The following PSMC2 variants were observed in gnomAD, a reference collection of about 807,000 sequenced individuals.
PSMC2 encodes proteasome 26S subunit, ATPase 2.
A neutral mutation model predicts 53.3 loss-of-function variants in PSMC2; 7 were observed. The ratio of observed to expected loss-of-function variants is 0.13; its 90% confidence interval spans 0.07 to 0.25. The LOEUF is 0.25. Among genes scored for constraint, PSMC2 ranks in the 10% least tolerant of loss-of-function variants. PSMC2 has a pLI of 1.00. For synonymous variants in PSMC2, 169 were observed against 183.9 expected, an observed-to-expected ratio of 0.92 and a Z score of 0.66; for missense variants, 241 against 544.0, an observed-to-expected ratio of 0.44 and a Z score of 5.54.
At chr7:103,353,855 T>A in intron 1 of PSMC2, 66 bp from the exon 2 acceptor site, 2 of 1,383,296 alleles carry the variant, frequency 1.4e-6, no homozygotes, top group Non-Finnish European at 2.0e-6. Flanking sequence ...AAAGCTCTAG[T>A]TTCTTTTTTA....
At chr7:103,364,958 C>CATATATATATAT (rs59914167) in intron 8 of PSMC2, among the ~76,000 whole-genome samples, 5,488 of 125,200 alleles carry the variant, frequency 0.044, 243 homozygotes, top group East Asian at 0.21. Context: ...TGTAGACATA[C>CATATATATATAT]ATATATATAT....
intron 1 of PSMC2, among the ~76,000 whole-genome samples, chr7:103,348,304 A>G (rs1449538564): frequency 6.6e-6 from 1 of 152,198 alleles, no homozygotes; most frequent in Non-Finnish European, 1.5e-5. Context: ...TAATGTTGCT[A>G]TTTTGCATAT....
chr7:103,366,930 G>A (rs1442528636), intron 9 of PSMC2, among the ~76,000 whole-genome samples: 2 of 152,082 alleles, frequency 1.3e-5, no homozygotes, highest in Non-Finnish European at 2.9e-5. Context: ...TCAGCCTCCT[G>A]AGTAGCTGCA....
In PSMC2 at chr7:103,367,163, A is replaced by G. The variant is rs941366474; in HGVS notation, c.845-250A>G. On this transcript the variant is annotated intron_variant, in intron 9 of 11. Transcript: ENST00000292644. The surrounding 1 kb of genome is among the most constrained non-coding windows in gnomAD (Gnocchi z 6.1). ...AGTAATAAATGTGGTAGACTTTGAA[A>G]ACACTAAACTGCCCCATAGGCAGTT... 5.9e-5 allele frequency among the ~76,000 whole-genome samples: 9 copies of G among 152,180 alleles called. No individual in the cohort carries two copies. The highest frequency in any genetic ancestry group is 2.2e-4 in the African/African-American group (9 of 41,438).
intron 9 of PSMC2, among the ~76,000 whole-genome samples, chr7:103,366,895 C>T (rs1358475211): frequency 6.6e-6 from 1 of 152,146 alleles, no homozygotes; most frequent in African/African-American, 2.4e-5. Flanking sequence ...ACCTCTGCCT[C>T]CTGGGTTCAA....
intron 8 of PSMC2, 132 bp downstream of exon 8, chr7:103,364,439 C>CAACAA: frequency 9.1e-6 from 9 of 994,450 alleles, no homozygotes; most frequent in Non-Finnish European, 1.3e-5. Flanking sequence ...GACAGAGTCT[C>CAACAA]ATTGTGTTGC....
At chr7:103,359,438 T>G (rs957157846) in intron 4 of PSMC2, among the ~76,000 whole-genome samples, 1 of 152,286 alleles carries the variant, frequency 6.6e-6, no homozygotes, top group East Asian at 1.9e-4. Context: ...AATTCCAGAA[T>G]AGAATATTTT....
Position 103,367,603 on chromosome 7 carries a change from G to A in PSMC2, c.1035G>A (p.Leu345=). The change falls in exon 10 of 12, where the codon TTG becomes TTA. Residue 345 remains leucine (L), a synonymous_variant. Transcript: ENST00000292644. This position sits in a 1 kb window ranked among gnomAD's most constrained non-coding sequence, Gnocchi z 6.1. ...GRLDRKIEFS[L]PDLEGRTHIF... is the part of the protein sequence containing the mutation. ...TGGATAGAAAAATTGAATTTAGCTT[G>A]CCCGATCTAGAGGTAAGAAAACCAT... The A allele has an allele frequency of 6.2e-7, 1 of 1,614,076 alleles. No homozygotes were observed. Among genetic ancestry groups the A allele is most frequent in the Non-Finnish European group, 8.5e-7 (1 of 1,180,006 alleles).
intron 1 of PSMC2, among the ~76,000 whole-genome samples, chr7:103,351,179 A>G (rs1189628100): frequency 6.6e-6 from 1 of 152,218 alleles, no homozygotes; most frequent in Non-Finnish European, 1.5e-5. Flanking sequence ...TGTGTTGGAT[A>G]GTCTTCATGC....
At chr7:103,352,366 C>T (rs1819774672) in intron 1 of PSMC2, among the ~76,000 whole-genome samples, 1 of 149,898 alleles carries the variant, frequency 6.7e-6, no homozygotes, top group Admixed American at 6.7e-5. Context: ...AACATTTGAT[C>T]CTAGGAGAAA....
chr7:103,362,039 C>T lies in PSMC2; in HGVS notation c.373C>T (p.Leu125Phe). 6.2e-7 allele frequency: 1 copy of T among 1,613,670 alleles called. No homozygotes were observed. Among genetic ancestry groups the T allele is most frequent in the Non-Finnish European group, 8.5e-7 (1 of 1,179,878 alleles). The change falls in exon 5 of 12, where the codon CTT (leucine) becomes TTT (phenylalanine). Residue 125 changes from leucine (L) to phenylalanine (F), a missense_variant. By Grantham distance (22) the Leu-to-Phe change is conservative. This residue lies in a region of PSMC2 where 75 missense variants were observed against 185.1 expected (regional missense o/e 0.41). Coordinates refer to ENST00000292644, the MANE Select transcript of PSMC2 (RefSeq NM_002803.4). ...GCAGTTTGCCAAGTTTGTGGTGGAC[C>T]TTAGTGATCAGGTGGCACCTACTGA... ...VKQFAKFVVDLSDQVAPTDIE... is the reference protein window; with the variant it reads ...VKQFAKFVVDFSDQVAPTDIE...
At chr7:103,350,181 T>G (rs1819696462) in intron 1 of PSMC2, among the ~76,000 whole-genome samples, 1 of 152,226 alleles carries the variant, frequency 6.6e-6, no homozygotes, top group Non-Finnish European at 1.5e-5. Context: ...AAAAACATAG[T>G]TGAGAAAATC....
rs538457867 is a variant in PSMC2, at chr7:103,368,909, G to A, written c.*855G>A. On this transcript the variant is annotated 3_prime_UTR_variant, in exon 12 of 12. Coordinates refer to ENST00000292644, the MANE Select transcript of PSMC2 (RefSeq NM_002803.4). Reference sequence around the variant, plus strand: ...ACAGTGAGGTATTTTAAAAATAAAGGTTATATTAGAATCCTCAACATCTCT... The same window carrying A: ...ACAGTGAGGTATTTTAAAAATAAAGATTATATTAGAATCCTCAACATCTCT... The A allele has an allele frequency of 6.1e-5, 6 of 99,138 alleles. No homozygotes were observed. The highest frequency in any genetic ancestry group is 1.8e-4 in the African/African-American group (5 of 27,164). The allele number at this position is 99,138 out of a possible 1,614,324, so 6.1% of individuals were successfully genotyped here. A position where few individuals can be genotyped will look rare whatever the true frequency, so the allele number is the denominator to read the frequency against.
At chr7:103,359,172 A>ATTTTTTTTTTTTTT (rs1586155184) in intron 4 of PSMC2, among the ~76,000 whole-genome samples, 4 of 58,426 alleles carry the variant, frequency 6.8e-5, no homozygotes, top group African/African-American at 6.6e-5. Flanking sequence ...TTTTTTTTTA[A>ATTTTTTTTTTTTTT]TTTTTAGTAG....
At chr7:103,357,549 G>A (rs1300968610) in intron 4 of PSMC2, among the ~76,000 whole-genome samples, 1 of 152,104 alleles carries the variant, frequency 6.6e-6, no homozygotes, top group Admixed American at 6.6e-5. Context: ...CATGGAAGAT[G>A]AGGATTTTGT....
intron 1 of PSMC2, among the ~76,000 whole-genome samples, chr7:103,348,446 T>A (rs1194838146): frequency 6.6e-6 from 1 of 152,252 alleles, no homozygotes; most frequent in African/African-American, 2.4e-5. Context: ...AGAGATACTT[T>A]CCTATCATGT....
At position 103,367,558 on chromosome 7, in the gene PSMC2, A is replaced by C; in HGVS notation, c.990A>C (p.Ala330=). Residue 330 remains alanine (A), a synonymous_variant, in exon 10 of 12, where the codon GCA becomes GCC. Coordinates refer to ENST00000292644, the MANE Select transcript of PSMC2 (RefSeq NM_002803.4). The surrounding 1 kb of genome is among the most constrained non-coding windows in gnomAD (Gnocchi z 6.1). ...ATNRPDTLDP[A]LMRPGRLDRK... ...ACAGACCTGATACTTTGGATCCAGCACTGATGAGGCCAGGGAGATTGGATA... is the reference window on the plus strand; with the variant it reads ...ACAGACCTGATACTTTGGATCCAGCCCTGATGAGGCCAGGGAGATTGGATA... 1.2e-5 allele frequency: 20 copies of C among 1,614,190 alleles called. No homozygotes were observed. Among genetic ancestry groups the C allele is most frequent in the Non-Finnish European group, 1.7e-5 (20 of 1,180,032 alleles).
In PSMC2 at chr7:103,353,957, A is replaced by G; in HGVS notation, c.107A>G (p.Tyr36Cys). Residue 36 changes from tyrosine to cysteine, a missense_variant and splice_region_variant, in exon 2 of 12, where the codon TAT becomes TGT. Physicochemically the swap from Tyr to Cys is radical, Grantham distance 194. Around this residue, in one of 6 missense-constraint regions of PSMC2, gnomAD observed 70 missense variants for 57.9 expected, o/e 1.21. Coordinates refer to ENST00000292644, the MANE Select transcript of PSMC2 (RefSeq NM_002803.4). ...GGGGATATTGCCTTGTTGAAAACTT[A>G]TGTAAGTCCTTTCAGTGTCTACAAA... ...DEGDIALLKT[Y>C]GQSTYSRQIK... The G allele has an allele frequency of 6.3e-7, 1 of 1,594,432 alleles. No homozygotes were observed. The highest frequency in any genetic ancestry group is 8.6e-7 in the Non-Finnish European group (1 of 1,165,734).
At chr7:103,363,811 G>A (rs528236644) in intron 7 of PSMC2, among the ~76,000 whole-genome samples, 1 of 152,198 alleles carries the variant, frequency 6.6e-6, no homozygotes, top group South Asian at 2.1e-4. Context: ...TGGAAAACTA[G>A]GATACTGAAT....
Sources: gnomAD v4.1 joint callset for allele counts (sites outside exome capture counted in the v4.1 genomes callset) on GRCh38, gnomAD v4.1.1 for gene constraint, gnomAD v4.1.1 regional missense constraint, Gnocchi (gnomAD v3.1) non-coding constraint, MANE v1.5 for transcripts, NCBI Gene and HGNC (gene_info 2026-07-23, HGNC 2026-07-21) for gene names.